Variants in PICALM observed in about 807,000 individuals in gnomAD.
PICALM encodes the protein phosphatidylinositol-binding clathrin assembly protein.
PICALM carries 40 observed loss-of-function variants against 80.5 expected under a neutral mutation model. That is an observed-to-expected ratio of 0.50 (90% CI 0.39 to 0.65). PICALM has a LOEUF of 0.65. PICALM is among the 30% of genes least tolerant of loss of function. The probability of loss-of-function intolerance (pLI) is 0.00; values close to 1 mark genes in which losing one functional copy is unlikely to be tolerated. For missense variants in PICALM, 676 were observed against 778.9 expected (o/e 0.87, Z 1.57); for synonymous variants, 288 against 260.3 (o/e 1.11, Z -1.02).
chr11:86,059,465 C>T (rs576487032), intron 1 of PICALM, among the ~76,000 whole-genome samples: 2 of 152,224 alleles, frequency 1.3e-5, no homozygotes, highest in East Asian at 3.9e-4. Flanking sequence ...TTTATGAAAG[C>T]GGTTACCTTA....
At chr11:86,021,544 G>C (rs1224871379) in intron 4 of PICALM, among the ~76,000 whole-genome samples, 1 of 150,344 alleles carries the variant, frequency 6.7e-6, no homozygotes, top group Non-Finnish European at 1.5e-5. Flanking sequence ...AACAAGTATG[G>C]CAAGAATAGG....
At chr11:86,040,309 G>T (rs372221370) in intron 1 of PICALM, among the ~76,000 whole-genome samples, 19 of 152,246 alleles carry the variant, frequency 1.2e-4, no homozygotes, top group African/African-American at 4.6e-4. Context: ...GTGGCGAAAA[G>T]AAACTACTAT....
At chr11:86,067,105 T>C (rs1020918861) in intron 1 of PICALM, among the ~76,000 whole-genome samples, 1 of 152,236 alleles carries the variant, frequency 6.6e-6, no homozygotes, top group Non-Finnish European at 1.5e-5. Context: ...ATAATAGGCT[T>C]CTGTGTAGCA....
At chr11:86,043,208 C>T (rs974845051) in intron 1 of PICALM, among the ~76,000 whole-genome samples, 2 of 152,214 alleles carry the variant, frequency 1.3e-5, no homozygotes, top group African/African-American at 4.8e-5. Context: ...AGTGCATTTG[C>T]ATTTTCCTTT....
At chr11:85,971,642 G>A (rs752669092) in intron 19 of PICALM, among the ~76,000 whole-genome samples, 30 of 151,948 alleles carry the variant, frequency 2.0e-4, no homozygotes, top group Non-Finnish European at 2.1e-4. Context: ...AGGCCAAGGC[G>A]GGAGGATGGC....
At chr11:86,063,093 G>A (rs1304571147) in intron 1 of PICALM, among the ~76,000 whole-genome samples, 1 of 151,992 alleles carries the variant, frequency 6.6e-6, no homozygotes, top group Admixed American at 6.6e-5. Context: ...CTATGTCTAC[G>A]GTGAACTTTC....
At chr11:85,966,867 G>C (rs550268851) in intron 19 of PICALM, among the ~76,000 whole-genome samples, 1 of 152,316 alleles carries the variant, frequency 6.6e-6, no homozygotes, top group South Asian at 2.1e-4. Context: ...CCAAAAGCTG[G>C]AAAAGCCAAG....
intron 1 of PICALM, among the ~76,000 whole-genome samples, chr11:86,063,493 A>C (rs1333701790): frequency 6.6e-6 from 1 of 152,194 alleles, no homozygotes; most frequent in East Asian, 1.9e-4. Context: ...AAGCGGCTAC[A>C]AAAAATAGTT....
At position 85,983,929 on chromosome 11, in the gene PICALM, G is replaced by A; in HGVS notation, c.1453C>T (p.Leu485Phe). 6.2e-7 allele frequency: 1 copy of A among 1,605,932 alleles called. No homozygotes were observed. Among genetic ancestry groups the A allele is most frequent in the Non-Finnish European group, 8.5e-7 (1 of 1,173,980 alleles). The change falls in exon 14 of 20, where the codon CTT (leucine) becomes TTT (phenylalanine). Residue 485 changes from leucine to phenylalanine, a missense_variant. Leu to Phe is a conservative substitution (Grantham distance 22, BLOSUM62 0). Coordinates refer to ENST00000393346, the MANE Select transcript of PICALM (RefSeq NM_007166.4). ...AACACAGATTCAAAGTCAACATTAAGGCCAGCTGAAGGGTGTGGCTGTGCA... is the reference window on the plus strand; with the variant it reads ...AACACAGATTCAAAGTCAACATTAAAGCCAGCTGAAGGGTGTGGCTGTGCA... ...PVAQPHPSAGLNVDFESVFGN... is the reference protein window; with the variant it reads ...PVAQPHPSAGFNVDFESVFGN...
intron 4 of PICALM, among the ~76,000 whole-genome samples, chr11:86,017,189 C>T (rs926618811): frequency 6.7e-6 from 1 of 150,086 alleles, no homozygotes; most frequent in Non-Finnish European, 1.5e-5. Context: ...CGCCACTGCA[C>T]TCCAGCCTGG....
At chr11:85,978,841 A>T (rs368666572) in intron 17 of PICALM, 2 of 149,112 alleles carry the variant, frequency 1.3e-5, no homozygotes, top group East Asian at 3.8e-4. Flanking sequence ...ATTAATACTA[A>T]CTTAATATAA....
At chr11:86,008,773 A>T (rs1210013962) in intron 7 of PICALM, among the ~76,000 whole-genome samples, 1 of 151,974 alleles carries the variant, frequency 6.6e-6, no homozygotes, top group African/African-American at 2.4e-5. Flanking sequence ...GCCCAAACAC[A>T]GTCTCAAAAC....
At chr11:86,029,173 G>GC (rs2095705678) in intron 2 of PICALM, among the ~76,000 whole-genome samples, 1 of 151,864 alleles carries the variant, frequency 6.6e-6, no homozygotes, top group South Asian at 2.1e-4. Context: ...TTTTGAAGCA[G>GC]CCCTGGCCTT....
intron 12 of PICALM, among the ~76,000 whole-genome samples, chr11:85,991,703 C>T (rs1314655164): frequency 6.6e-6 from 1 of 151,472 alleles, no homozygotes. Context: ...TCAAAATATG[C>T]TGATTATGCT....
intron 19 of PICALM, among the ~76,000 whole-genome samples, chr11:85,967,772 C>G (rs888792552): frequency 3.3e-5 from 5 of 149,996 alleles, no homozygotes; most frequent in South Asian, 2.1e-4. Context: ...GCCACTAGTT[C>G]TTAAATACAA....
intron 9 of PICALM, among the ~76,000 whole-genome samples, chr11:86,001,510 G>T (rs117879290): frequency 2.6e-5 from 4 of 152,308 alleles, no homozygotes; most frequent in Non-Finnish European, 5.9e-5. Context: ...ATGGGAAAAA[G>T]TGTTGAGTTT....
intron 6 of PICALM, among the ~76,000 whole-genome samples, chr11:86,011,851 GTT>G (rs71040204): frequency 1.5e-5 from 2 of 132,954 alleles, no homozygotes; most frequent in Admixed American, 7.7e-5. Flanking sequence ...TATCCTTTTT[GTT>G]TTTTTTTTTT....
At chr11:85,993,973 G>T in intron 12 of PICALM, among the ~76,000 whole-genome samples, 1 of 151,796 alleles carries the variant, frequency 6.6e-6, no homozygotes. Context: ...TCCTGCCTTG[G>T]TCTCCTAAAG....
intron 11 of PICALM, among the ~76,000 whole-genome samples, chr11:85,998,611 G>T (rs1184430052): frequency 6.6e-6 from 1 of 151,852 alleles, no homozygotes; most frequent in Non-Finnish European, 1.5e-5. Flanking sequence ...TGGGCAAAAT[G>T]GCGAAAAAAT....
Sources: allele counts gnomAD v4.1 joint callset (sites outside exome capture counted in the v4.1 genomes callset), GRCh38; gene constraint gnomAD v4.1.1; transcripts MANE v1.5; gene names NCBI Gene and HGNC (gene_info 2026-07-23, HGNC 2026-07-21).